Variants in RNF213 observed in about 807,000 individuals in gnomAD.
The protein encoded by RNF213 is ring finger protein 213, also known as E3 ubiquitin-protein ligase RNF213.
In RNF213, 341 loss-of-function variants were observed where a neutral mutation model predicts 514.4. The observed-to-expected ratio is 0.66, with a 90% CI of 0.61 to 0.73. RNF213 has a LOEUF of 0.73. RNF213 is among the 30% of genes least tolerant of loss of function. The pLI is 0.00. For missense variants in RNF213, 5,767 were observed against 6,615.6 expected (o/e 0.87, Z 4.45); for synonymous variants, 2,655 against 2,658.2 (o/e 1.00, Z 0.04).
chr17:80,318,734 C>T (rs1227829345), intron 16 of RNF213, among the ~76,000 whole-genome samples: 1 of 152,128 alleles, frequency 6.6e-6, no homozygotes, highest in Non-Finnish European at 1.5e-5. Context: ...CCACCGCGCC[C>T]AGCTATATTT....
chr17:80,345,938 A>G lies in RNF213; in HGVS notation c.7603A>G (p.Ile2535Val), dbSNP rs867623077. ...ATACCGGAAGCACTCTGAGGAGATG[A>G]TCTGCCGTTTGGAGTCAGCTGGTTT... ...NPYRKHSEEM[I>V]CRLESAGLGY... The change falls in exon 29 of 68, where the codon ATC becomes GTC. Residue 2535 changes from isoleucine (I) to valine (V), a missense_variant. Physicochemically the swap from Ile to Val is conservative, Grantham distance 29 (BLOSUM62 3). Transcript: ENST00000582970. This position sits in a 1 kb window ranked among gnomAD's most constrained non-coding sequence, Gnocchi z 6.0. 6.2e-7 allele frequency: 1 copy of G among 1,614,074 alleles called. No homozygotes were observed. The highest frequency in any genetic ancestry group is 1.3e-5 in the African/African-American group (1 of 74,916).
chr17:80,289,033 G>A (rs530461476), intron 5 of RNF213, among the ~76,000 whole-genome samples: 1 of 152,334 alleles, frequency 6.6e-6, no homozygotes, highest in East Asian at 1.9e-4. Flanking sequence ...GCCTCTCTTA[G>A]GAGGTGGTGA....
In RNF213 at chr17:80,334,157, A is replaced by T; in HGVS notation, c.4196A>T (p.Glu1399Val). The change falls in exon 22 of 68, where the codon GAG becomes GTG. Residue 1399 changes from glutamate (E) to valine (V), a missense_variant. Physicochemically the swap from Glu to Val is moderately radical, Grantham distance 121. This residue lies in a region of RNF213 where 516 missense variants were observed against 566.5 expected (regional missense o/e 0.91). Coordinates refer to ENST00000582970, the MANE Select transcript of RNF213 (RefSeq NM_001256071.3). Reference protein sequence around the residue: ...RRETLDQINQELIQAKKLLQD... With the variant: ...RRETLDQINQVLIQAKKLLQD... ...GAAACACTGGACCAGATCAACCAGGAGCTCATCCAGGCCAAAAAGCTGCTC... is the reference window on the plus strand; with the variant it reads ...GAAACACTGGACCAGATCAACCAGGTGCTCATCCAGGCCAAAAAGCTGCTC... 6.5e-7 allele frequency: 1 copy of T among 1,537,230 alleles called. No individual in the cohort carries two copies. The highest frequency in any genetic ancestry group is 8.7e-7 in the Non-Finnish European group (1 of 1,146,896).
Position 80,396,095 on chromosome 17 carries a change from CCTT to C in RNF213, c.*2600_*2602del, listed in dbSNP as rs1207436878. 1 of 152,160 alleles carries C rather than the reference CCTT, an allele frequency of 6.6e-6. No individual in the cohort carries two copies. The highest frequency in any genetic ancestry group is 2.4e-5 in the African/African-American group (1 of 41,406). 9.4% of individuals were successfully genotyped at this position (152,160 alleles called of 1,614,324 possible). A position where few individuals can be genotyped will look rare whatever the true frequency, so the allele number is the denominator to read the frequency against. On this transcript the variant is annotated 3_prime_UTR_variant, in exon 68 of 68. Transcript: ENST00000582970. Reference sequence around the variant, plus strand: ...AAATCTTCACAACTGATCATTATCTCCTTCTCTTTGAGACCTGACTGAAAAAAT... The same window carrying C: ...AAATCTTCACAACTGATCATTATCTCCTCTTTGAGACCTGACTGAAAAAAT...
At chr17:80,331,157 T>C (rs2046403345) in intron 20 of RNF213, among the ~76,000 whole-genome samples, 1 of 152,166 alleles carries the variant, frequency 6.6e-6, no homozygotes, top group Non-Finnish European at 1.5e-5. Flanking sequence ...CCAGTCTTCC[T>C]TATTTCATCA....
At chr17:80,384,525 C>T (rs999255501) in intron 59 of RNF213, among the ~76,000 whole-genome samples, 2 of 152,186 alleles carry the variant, frequency 1.3e-5, no homozygotes, top group Non-Finnish European at 2.9e-5. Context: ...AGGATGAAGA[C>T]GAGTTGGAAA....
intron 20 of RNF213, among the ~76,000 whole-genome samples, chr17:80,330,236 C>T (rs907571249): frequency 6.6e-6 from 1 of 152,176 alleles, no homozygotes; most frequent in Non-Finnish European, 1.5e-5. Context: ...TTTTGCTTTT[C>T]CTGGCATCAT....
At position 80,395,211 on chromosome 17, in the gene RNF213, G is replaced by A. The variant is rs2144695601; in HGVS notation, c.*1713G>A. The A allele has an allele frequency of 6.7e-6, 1 of 149,842 alleles. No homozygotes were observed. The highest frequency in any genetic ancestry group is 2.1e-4 in the South Asian group (1 of 4,772). The allele number at this position is 149,842 out of a possible 1,614,324, so 9.3% of individuals were successfully genotyped here. ...TGTCAAATCTTGCATTATCTTGTTTGTACAGAAATATACTGGCCTAGCAGA... is the reference window on the plus strand; with the variant it reads ...TGTCAAATCTTGCATTATCTTGTTTATACAGAAATATACTGGCCTAGCAGA... On this transcript the variant is annotated 3_prime_UTR_variant, in exon 68 of 68. Transcript: ENST00000582970.
At chr17:80,299,172 A>G (rs2045079512) in intron 11 of RNF213, among the ~76,000 whole-genome samples, 1 of 152,094 alleles carries the variant, frequency 6.6e-6, no homozygotes, top group Non-Finnish European at 1.5e-5. Flanking sequence ...TCCTCTTAAC[A>G]GTATTTTGTG....
rs1276224209 is a variant in RNF213 at position 80,372,644 on chromosome 17, G to A, written c.12661G>A (p.Ala4221Thr). ...CCGGGGCCGAGAGCCTGCCAACGAG[G>A]CCTCGGTTGAATACCTGCAAGAGGT... The part of the protein sequence containing the change: ...ASRGREPANE[A>T]SVEYLQEVAR... The change falls in exon 48 of 68, where the codon GCC becomes ACC. Residue 4221 changes from alanine to threonine, a missense_variant. Physicochemically the swap from Ala to Thr is moderately conservative, Grantham distance 58. Coordinates refer to ENST00000582970, the MANE Select transcript of RNF213 (RefSeq NM_001256071.3). 3.1e-6 allele frequency: 5 copies of A among 1,614,078 alleles called. No homozygotes were observed. In the South Asian group the frequency reaches 5.5e-5, roughly 18 times the overall value.
chr17:80,288,452 C>A lies in RNF213; in HGVS notation c.810+89C>A. On this transcript the variant is annotated intron_variant, in intron 4 of 67. Transcript: ENST00000582970. The surrounding 1 kb of genome is among the most constrained non-coding windows in gnomAD (Gnocchi z 4.9). ...CAAGGTGCTGGCGTTGCTTCCCTGC[C>A]GGGGGGAGGGGCGTCCTCTGGGCCC... 1.3e-6 allele frequency: 2 copies of A among 1,598,452 alleles called. No homozygotes were observed. Among genetic ancestry groups the A allele is most frequent in the South Asian group, 2.2e-5 (2 of 90,592 alleles).
chr17:80,392,659 G>A lies in RNF213; in HGVS notation c.15471-686G>A, dbSNP rs755529387. 1.4e-4 allele frequency among the ~76,000 whole-genome samples: 21 copies of A among 150,520 alleles called. 1 individual carries two copies. The highest frequency in any genetic ancestry group is 2.8e-4 in the Non-Finnish European group (19 of 67,484). ...GGCTGGAGTGCAGTGGTGCAATCTC[G>A]GCTCACTGCAAGCTCCACCTCCTGG... is the stretch of plus-strand genomic sequence containing the variant. On this transcript the variant is annotated intron_variant, in intron 67 of 67. Coordinates refer to ENST00000582970, the MANE Select transcript of RNF213 (RefSeq NM_001256071.3).
intron 3 of RNF213, among the ~76,000 whole-genome samples, chr17:80,274,780 C>G (rs548488872): frequency 6.4e-4 from 1 of 1,564 alleles, no homozygotes; most frequent in Non-Finnish European, 1.0e-3. Flanking sequence ...AGTGGGGTGT[C>G]TGTGGGGGAT....
chr17:80,363,301 C>T lies in RNF213; in HGVS notation c.11555C>T (p.Ala3852Val), dbSNP rs146238297. The T allele has an allele frequency of 5.0e-6, 8 of 1,613,748 alleles. No individual in the cohort carries two copies. The African/African-American group carries it at 1.1e-4, about 22-fold the overall frequency. Residue 3852 changes from alanine to valine, a missense_variant, in exon 40 of 68, where the codon GCT becomes GTT. Around this residue, in one of 13 missense-constraint regions of RNF213, gnomAD observed 355 missense variants for 358.0 expected, o/e 0.99. Coordinates refer to ENST00000582970, the MANE Select transcript of RNF213 (RefSeq NM_001256071.3). ...GAAGCCCGTTGGAACCATGAGCTGG[C>T]TGGATGTGAGATGGTATGGCCCTCC... ...LMEARWNHEL[A>V]GCEMTLDAFA...
Position 80,332,150 on chromosome 17 carries a change from C to G in RNF213, c.3662C>G (p.Ala1221Gly). The G allele has an allele frequency of 1.3e-6, 2 of 1,537,204 alleles. No individual in the cohort carries two copies. Among genetic ancestry groups the G allele is most frequent in the Non-Finnish European group, 1.7e-6 (2 of 1,146,926 alleles). The change falls in exon 21 of 68, where the codon GCT becomes GGT. Residue 1221 changes from alanine to glycine, a missense_variant. Physicochemically the swap from Ala to Gly is moderately conservative, Grantham distance 60 (BLOSUM62 0). Transcript: ENST00000582970. The stretch of plus-strand genomic sequence containing the variant: ...CTGAGCTCCCAGGTCCAAGAAATGG[C>G]TGGGAAGATAGACTTGCTCAGAGAC... ...YHLSSQVQEM[A>G]GKIDLLRDSH...
chr17:80,344,840 CAG>C lies in RNF213; in HGVS notation c.6506_6507del (p.Gln2169LeufsTer61), dbSNP rs762703892. The C allele has an allele frequency of 2.5e-6, 4 of 1,613,992 alleles. No homozygotes were observed. The African/African-American group carries it at 5.3e-5, about 22-fold the overall frequency. On this transcript the variant is annotated frameshift_variant, in exon 29 of 68. Transcript: ENST00000582970. LOFTEE classifies it high-confidence loss of function. ...CAGCGAAACTTTCCAAAGACCTTAC[CAG>C]TATTTAAGACGATTCAATCAAAACC... ...FCSETFQRPY[Q>X]YLRRFNQNQD...
chr17:80,347,638 G>C lies in RNF213; in HGVS notation c.9303G>C (p.Leu3101Phe). ...GCATGGAAACAGGCAAGATGGTGTT[G>C]CTTCTCAACCTGCAGAACCTCTACG... ...KICMETGKMV[L>F]LLNLQNLYES... Residue 3101 changes from leucine (L) to phenylalanine (F), a missense_variant, in exon 29 of 68, where the codon TTG becomes TTC. Leu to Phe is a conservative substitution (Grantham distance 22). Transcript: ENST00000582970. The surrounding 1 kb of genome is among the most constrained non-coding windows in gnomAD (Gnocchi z 7.2). 1 of 1,614,154 alleles carries C rather than the reference G, an allele frequency of 6.2e-7. No individual in the cohort carries two copies. The highest frequency in any genetic ancestry group is 8.5e-7 in the Non-Finnish European group (1 of 1,180,032).
chr17:80,278,912 T>C, intron 3 of RNF213: 1 of 1,537,078 alleles, frequency 6.5e-7, no homozygotes, highest in Non-Finnish European at 8.7e-7. Context: ...TGTGAGCAGG[T>C]AGTCCGAGTC....
chr17:80,352,485 CT>C, intron 32 of RNF213: 7 of 497,126 alleles, frequency 1.4e-5, no homozygotes, highest in East Asian at 3.3e-5. Context: ...CTTCAGATCT[CT>C]TTTTTTCCAA....
Sources: allele counts gnomAD v4.1 joint callset (sites outside exome capture counted in the v4.1 genomes callset), GRCh38; gene constraint gnomAD v4.1.1; regional missense constraint gnomAD v4.1.1; non-coding constraint Gnocchi (gnomAD v3.1); transcripts MANE v1.5; gene names NCBI Gene and HGNC (gene_info 2026-07-23, HGNC 2026-07-21).